Variants in SIRT1 observed in about 807,000 individuals in gnomAD.
SIRT1 encodes sirtuin 1.
SIRT1 carries 24 observed loss-of-function variants against 67.9 expected under a neutral mutation model. The ratio of observed to expected loss-of-function variants is 0.35; its 90% confidence interval spans 0.26 to 0.50. The LOEUF is 0.50. Ranked by LOEUF, SIRT1 falls within the 20% of genes least tolerant of loss-of-function variation. SIRT1 has a pLI of 0.98. For missense variants in SIRT1, 873 were observed against 937.2 expected (o/e 0.93, Z 0.89); for synonymous variants, 378 against 350.7 (o/e 1.08, Z -0.87).
intron 4 of SIRT1, 37 bp downstream of exon 4, chr10:67,891,591 T>G: frequency 6.2e-7 from 1 of 1,604,740 alleles, no homozygotes; most frequent in East Asian, 2.2e-5. Flanking sequence ...TTTGGCCTTC[T>G]CTCATGAAAA....
At position 67,885,108 on chromosome 10, in the gene SIRT1, CGAGGAG is replaced by C; in HGVS notation, c.393_398del (p.Glu133_Glu134del). 1.4e-6 allele frequency: 2 copies of C among 1,440,400 alleles called. No homozygotes were observed. The highest frequency in any genetic ancestry group is 1.8e-6 in the Non-Finnish European group (2 of 1,091,442). 89.2% of individuals were successfully genotyped at this position (1,440,400 alleles called of 1,614,324 possible). On this transcript the variant is annotated inframe_deletion, in exon 1 of 9. Transcript: ENST00000212015. The stretch of plus-strand genomic sequence containing the variant: ...ACGACGAAGACGACGACGACGAGGG[CGAGGAG>C]GAGGAAGAGGCGGCGGCGGCGGCGA...
chr10:67,906,214 C>T (rs1271139884), intron 4 of SIRT1: 14 of 1,479,248 alleles, frequency 9.5e-6, no homozygotes, highest in Non-Finnish European at 1.3e-5. Context: ...ACACAAAATC[C>T]AGCAACTCAG....
intron 5 of SIRT1, among the ~76,000 whole-genome samples, 161 bp downstream of exon 5, chr10:67,907,098 A>T (rs1842830635): frequency 6.6e-6 from 1 of 152,124 alleles, no homozygotes; most frequent in Non-Finnish European, 1.5e-5. Flanking sequence ...AAAATAATAA[A>T]AACAGAAGTA....
intron 4 of SIRT1, among the ~76,000 whole-genome samples, chr10:67,895,377 C>T (rs537703850): frequency 2.2e-3 from 338 of 152,058 alleles, no homozygotes; most frequent in African/African-American, 7.8e-3. Flanking sequence ...GAGCCGAAAG[C>T]GCTTAAGGAG....
At chr10:67,898,545 G>A (rs1400120528) in intron 4 of SIRT1, among the ~76,000 whole-genome samples, 1 of 152,150 alleles carries the variant, frequency 6.6e-6, no homozygotes, top group African/African-American at 2.4e-5. Flanking sequence ...ATCAACGTCA[G>A]TAAAAAGAAA....
In SIRT1 at chr10:67,917,485, C is replaced by T. The variant is rs911079465; in HGVS notation, c.*892C>T. On this transcript the variant is annotated 3_prime_UTR_variant, in exon 9 of 9. Transcript: ENST00000212015. ...ATTGATCTTTTCCACAAGTATTAAA[C>T]TGCCAAAATGTGAATATGCAAAGCC... 2.7e-4 allele frequency: 41 copies of T among 152,590 alleles called. No homozygotes were observed. Among genetic ancestry groups the T allele is most frequent in the African/African-American group, 9.7e-4 (40 of 41,444 alleles). The allele number at this position is 152,590 out of a possible 1,614,324, so 9.5% of individuals were successfully genotyped here.
rs551863260 is a variant in SIRT1, at chr10:67,900,096, A to G, written c.943-6694A>G. ...GAGACTCTATCTCAAAAATAAATAC[A>G]ATTTTAAATAAAATTATAAAAATAA... On this transcript the variant is annotated intron_variant, in intron 4 of 8. Coordinates refer to ENST00000212015, the MANE Select transcript of SIRT1 (RefSeq NM_012238.5). Among the ~76,000 whole-genome samples the G allele has an allele frequency of 2.9e-3, 447 of 152,184 alleles. 3 individuals carry two copies. Among genetic ancestry groups the G allele is most frequent in the Non-Finnish European group, 5.6e-3 (382 of 68,020 alleles).
At chr10:67,891,917 G>A (rs1842580150) in intron 4 of SIRT1, among the ~76,000 whole-genome samples, 1 of 152,202 alleles carries the variant, frequency 6.6e-6, no homozygotes, top group Non-Finnish European at 1.5e-5. Context: ...TCACTTTGGT[G>A]TTTCGTAGTC....
intron 7 of SIRT1, among the ~76,000 whole-genome samples, chr10:67,910,050 T>C (rs1392120322): frequency 1.3e-5 from 2 of 151,788 alleles, no homozygotes; most frequent in African/African-American, 4.8e-5. Flanking sequence ...TTGAGACTGG[T>C]GAATCTGACA....
At chr10:67,893,202 C>CA (rs1842601092) in intron 4 of SIRT1, among the ~76,000 whole-genome samples, 1 of 152,196 alleles carries the variant, frequency 6.6e-6, no homozygotes, top group African/African-American at 2.4e-5. Context: ...CATAGGTATA[C>CA]ATGTGCCATG....
chr10:67,898,062 C>A (rs1842686360), intron 4 of SIRT1, among the ~76,000 whole-genome samples: 1 of 147,198 alleles, frequency 6.8e-6, no homozygotes, highest in African/African-American at 2.5e-5. Context: ...AAGTTTGAGA[C>A]CAGCCTGACC....
At chr10:67,901,486 G>A (rs1329513349) in intron 4 of SIRT1, among the ~76,000 whole-genome samples, 1 of 152,180 alleles carries the variant, frequency 6.6e-6, no homozygotes, top group Non-Finnish European at 1.5e-5. Context: ...CAAACTTTCT[G>A]TAGTAAGGTA....
chr10:67,901,297 T>A (rs1842741115), intron 4 of SIRT1, among the ~76,000 whole-genome samples: 1 of 152,084 alleles, frequency 6.6e-6, no homozygotes, highest in Non-Finnish European at 1.5e-5. Flanking sequence ...CATGCCCGGC[T>A]ATTTTTTTTT....
At chr10:67,891,260 G>C in intron 3 of SIRT1, 142 bp from the exon 4 acceptor site, 1 of 638,332 alleles carries the variant, frequency 1.6e-6, no homozygotes, top group Non-Finnish European at 2.7e-6. Context: ...AATAAGGGTA[G>C]GGTTGTATTT....
chr10:67,886,205 T>A (rs960439227), intron 1 of SIRT1, among the ~76,000 whole-genome samples: 2 of 151,958 alleles, frequency 1.3e-5, no homozygotes, highest in African/African-American at 4.8e-5. Flanking sequence ...CCGCCCAAAG[T>A]GCTGGGATTA....
intron 4 of SIRT1, 58 bp from the exon 5 acceptor site, chr10:67,906,732 A>T: frequency 6.6e-7 from 1 of 1,516,792 alleles, no homozygotes; most frequent in Non-Finnish European, 9.0e-7. Context: ...TGTTAAACAT[A>T]TGACATCTGT....
intron 4 of SIRT1, among the ~76,000 whole-genome samples, chr10:67,897,110 C>T (rs1397000072): frequency 6.6e-6 from 1 of 151,020 alleles, no homozygotes; most frequent in Non-Finnish European, 1.5e-5. Context: ...GAGCCGAGAT[C>T]GCACCACTCT....
At chr10:67,915,376 T>C (rs1303299720) in intron 8 of SIRT1, among the ~76,000 whole-genome samples, 1 of 152,220 alleles carries the variant, frequency 6.6e-6, no homozygotes, top group African/African-American at 2.4e-5. Context: ...TTTTTAGGGA[T>C]CCTACTCTTT....
intron 6 of SIRT1, among the ~76,000 whole-genome samples, chr10:67,908,536 G>C (rs891637579): frequency 6.6e-6 from 1 of 152,154 alleles, no homozygotes; most frequent in Admixed American, 6.5e-5. Context: ...AAATTATCCA[G>C]AAATATGTCC....
Sources: gnomAD v4.1 joint callset for allele counts (sites outside exome capture counted in the v4.1 genomes callset) on GRCh38, gnomAD v4.1.1 for gene constraint, MANE v1.5 for transcripts, NCBI Gene and HGNC (gene_info 2026-07-23, HGNC 2026-07-21) for gene names.